The following COMMD10 variants were observed in gnomAD, a reference collection of about 807,000 sequenced individuals.
COMMD10 encodes COMM domain-containing protein 10.
Under a neutral mutation model 28.9 loss-of-function variants are expected in COMMD10, and 33 were observed. The observed-to-expected ratio is 1.14, with a 90% CI of 0.87 to 1.53. COMMD10 has a LOEUF of 1.53. Ranked by LOEUF, COMMD10 falls within the 40% of genes most tolerant of loss-of-function variation. The pLI, the probability that COMMD10 is intolerant of heterozygous loss-of-function variation, is 0.00. For missense variants in COMMD10, 310 were observed against 233.4 expected (o/e 1.33, Z -2.14); for synonymous variants, 110 against 81.7 (o/e 1.35, Z -1.87).
rs879058353 is a variant in COMMD10 at position 116,139,372 on chromosome 5, A to G, written c.510+5194A>G. Among the ~76,000 whole-genome samples, 8 of 48,154 alleles carry G rather than the reference A, an allele frequency of 1.7e-4. No homozygotes were observed. In the South Asian group the frequency reaches 1.9e-3, roughly 11 times the overall value. 31.6% of individuals were successfully genotyped at this position (48,154 alleles called of 152,430 possible). A position where few individuals can be genotyped will look rare whatever the true frequency, so the allele number is the denominator to read the frequency against. On this transcript the variant is annotated intron_variant, in intron 5 of 6. Transcript: ENST00000274458. ...TTATTGTAAGGGCTACATGACATCA[A>G]TGATGTTGATGTGAGCAAATAACTG...
At chr5:116,098,422 A>G (rs1201435492) in intron 4 of COMMD10, among the ~76,000 whole-genome samples, 9 of 152,204 alleles carry the variant, frequency 5.9e-5, no homozygotes, top group African/African-American at 1.7e-4. Flanking sequence ...GTATCCCTGG[A>G]TTTCGTATTC....
chr5:116,237,136 G>T (rs969033212), intron 5 of COMMD10, among the ~76,000 whole-genome samples: 1 of 152,074 alleles, frequency 6.6e-6, no homozygotes, highest in African/African-American at 2.4e-5. Flanking sequence ...GATATAACTA[G>T]TACAAGGATC....
intron 5 of COMMD10, among the ~76,000 whole-genome samples, chr5:116,285,254 C>T (rs1032065803): frequency 3.3e-5 from 5 of 151,948 alleles, no homozygotes; most frequent in African/African-American, 1.2e-4. Context: ...GTGCTCTATA[C>T]TCCTTACTTG....
chr5:116,266,998 T>C (rs1750605079), intron 5 of COMMD10, among the ~76,000 whole-genome samples: 1 of 151,878 alleles, frequency 6.6e-6, no homozygotes, highest in Admixed American at 6.6e-5. Flanking sequence ...TCATACTGAA[T>C]GGACAAAAAC....
chr5:116,164,355 G>A (rs187349455), intron 5 of COMMD10, among the ~76,000 whole-genome samples: 252 of 152,072 alleles, frequency 1.7e-3, no homozygotes, highest in African/African-American at 5.7e-3. Flanking sequence ...AACCACTCTG[G>A]ATTAATTTCT....
intron 5 of COMMD10, among the ~76,000 whole-genome samples, chr5:116,150,098 A>G (rs1297087314): frequency 2.0e-5 from 3 of 152,136 alleles, no homozygotes; most frequent in African/African-American, 7.2e-5. Context: ...CCCCAGCACC[A>G]TTTATTAAAT....
rs145666524 is a variant in COMMD10 at position 116,216,394 on chromosome 5, A to C, written c.511-75123A>C. ...GTGCTTTCAGTAGAAGCATAAAACA[A>C]ATCTGATGTTGTCATAGAGATAGTT... is the stretch of plus-strand genomic sequence containing the variant. On this transcript the variant is annotated intron_variant, in intron 5 of 6. Transcript: ENST00000274458. Among the ~76,000 whole-genome samples the C allele has an allele frequency of 5.2e-4, 79 of 152,328 alleles. No individual in the cohort carries two copies. In the East Asian group the frequency reaches 0.014, roughly 28 times the overall value.
At position 116,134,254 on chromosome 5, in the gene COMMD10, C is replaced by T. The variant is rs1461153350; in HGVS notation, c.510+76C>T. 35 of 774,170 alleles carry T rather than the reference C, an allele frequency of 4.5e-5. No homozygotes were observed. The Admixed American group carries it at 7.5e-4, about 16-fold the overall frequency. 48.0% of individuals were successfully genotyped at this position (774,170 alleles called of 1,614,324 possible). ...AACTTTTTATTCTTAGCAGTCTTTG[C>T]TCTCTGGATTTAGAATTTAAACATA... On this transcript the variant is annotated intron_variant, in intron 5 of 6. Coordinates refer to ENST00000274458, the MANE Select transcript of COMMD10 (RefSeq NM_016144.4).
chr5:116,115,846 A>T (rs1751216656), intron 4 of COMMD10, among the ~76,000 whole-genome samples: 1 of 152,176 alleles, frequency 6.6e-6, no homozygotes, highest in Admixed American at 6.5e-5. Flanking sequence ...AAATAAGATT[A>T]TGAGACTTGT....
chr5:116,089,747 A>T (rs973307468), intron 2 of COMMD10, among the ~76,000 whole-genome samples: 2 of 152,212 alleles, frequency 1.3e-5, no homozygotes, highest in South Asian at 4.1e-4. Context: ...CTGGCATTTA[A>T]TGTCCAGGGA....
intron 5 of COMMD10, among the ~76,000 whole-genome samples, chr5:116,241,402 T>C (rs1024811504): frequency 3.9e-5 from 6 of 152,066 alleles, no homozygotes; most frequent in Admixed American, 3.9e-4. Context: ...TCTGTAATTT[T>C]CTGAGCCACC....
rs185674706 is a variant in COMMD10 at position 116,087,410 on chromosome 5, T to C, written c.42-87T>C. On this transcript the variant is annotated intron_variant, in intron 1 of 6. Coordinates refer to ENST00000274458, the MANE Select transcript of COMMD10 (RefSeq NM_016144.4). ...ATTTACCATATAGCATTCAGAGTTGTTGGAATGAAAACTTATAGACAACTA... is the reference window on the plus strand; with the variant it reads ...ATTTACCATATAGCATTCAGAGTTGCTGGAATGAAAACTTATAGACAACTA... The C allele has an allele frequency of 3.6e-4, 292 of 807,302 alleles. 1 individual carries two copies. The East Asian group carries it at 6.9e-3, about 19-fold the overall frequency. The allele number at this position is 807,302 out of a possible 1,614,324, so 50.0% of individuals were successfully genotyped here.
At chr5:116,152,088 T>G (rs1306046724) in intron 5 of COMMD10, among the ~76,000 whole-genome samples, 9 of 152,290 alleles carry the variant, frequency 5.9e-5, no homozygotes, top group East Asian at 5.8e-4. Flanking sequence ...AAGAACATCT[T>G]TATTTCTGCC....
intron 5 of COMMD10, among the ~76,000 whole-genome samples, chr5:116,155,904 G>A (rs1752689410): frequency 6.6e-6 from 1 of 151,932 alleles, no homozygotes; most frequent in Non-Finnish European, 1.5e-5. Flanking sequence ...TAATATAAGA[G>A]AAAATTATAG....
intron 4 of COMMD10, among the ~76,000 whole-genome samples, chr5:116,133,133 T>C (rs1751913359): frequency 6.6e-6 from 1 of 152,158 alleles, no homozygotes; most frequent in Non-Finnish European, 1.5e-5. Flanking sequence ...AAGGTAGTTT[T>C]ACTAAATCTA....
chr5:116,252,238 A>G (rs994701617), intron 5 of COMMD10, among the ~76,000 whole-genome samples: 8 of 140,362 alleles, frequency 5.7e-5, no homozygotes, highest in Non-Finnish European at 9.2e-5. Flanking sequence ...ATTTTCTCCC[A>G]TTTTGTAGGC....
intron 5 of COMMD10, among the ~76,000 whole-genome samples, chr5:116,167,215 A>C (rs1753152134): frequency 6.6e-6 from 1 of 151,932 alleles, no homozygotes; most frequent in South Asian, 2.1e-4. Context: ...CACAAGTGTC[A>C]ATAGCTGAAT....
At chr5:116,142,743 A>G (rs1008222184) in intron 5 of COMMD10, among the ~76,000 whole-genome samples, 3 of 151,770 alleles carry the variant, frequency 2.0e-5, no homozygotes, top group Non-Finnish European at 4.4e-5. Flanking sequence ...TTAGTGCACA[A>G]ATTAAACAAG....
chr5:116,099,518 A>G (rs1750584082), intron 4 of COMMD10, among the ~76,000 whole-genome samples: 1 of 152,154 alleles, frequency 6.6e-6, no homozygotes, highest in Non-Finnish European at 1.5e-5. Context: ...AGGAACCTCC[A>G]TACTGTTTTT....
Sources: gnomAD v4.1 joint callset for allele counts (sites outside exome capture counted in the v4.1 genomes callset) on GRCh38, gnomAD v4.1.1 for gene constraint, MANE v1.5 for transcripts, NCBI Gene and HGNC (gene_info 2026-07-23, HGNC 2026-07-21) for gene names.